DPP10: variants seen among roughly 807,000 people sequenced by gnomAD.
DPP10 encodes inactive dipeptidyl peptidase 10.
In DPP10, 33 loss-of-function variants were observed where a neutral mutation model predicts 120.9. That is an observed-to-expected ratio of 0.27 (90% CI 0.21 to 0.37). DPP10 has a LOEUF of 0.37. Ranked by LOEUF, DPP10 falls within the 10% of genes least tolerant of loss-of-function variation. The pLI, the probability that DPP10 is intolerant of heterozygous loss-of-function variation, is 1.00. For synonymous variants in DPP10, 337 were observed against 326.1 expected, an observed-to-expected ratio of 1.03 and a Z score of -0.36; for missense variants, 816 against 942.8, an observed-to-expected ratio of 0.87 and a Z score of 1.76.
chr2:115,369,655 G>A (rs2065284329), intron 3 of DPP10, among the ~76,000 whole-genome samples: 1 of 152,070 alleles, frequency 6.6e-6, no homozygotes, highest in African/African-American at 2.4e-5. Flanking sequence ...CTGTGGTGGA[G>A]GCTTTACAAA....
At chr2:114,732,227 C>A (rs1375695467) in intron 1 of DPP10, among the ~76,000 whole-genome samples, 1 of 152,166 alleles carries the variant, frequency 6.6e-6, no homozygotes, top group Non-Finnish European at 1.5e-5. Flanking sequence ...AGTTCTAGAC[C>A]TCCTGAAGTT....
chr2:115,060,111 C>T (rs1706280214), intron 1 of DPP10, among the ~76,000 whole-genome samples: 1 of 151,646 alleles, frequency 6.6e-6, no homozygotes, highest in African/African-American at 2.4e-5. Context: ...TTTAATGACC[C>T]TTATAGTTTA....
intron 3 of DPP10, among the ~76,000 whole-genome samples, chr2:115,400,131 T>C (rs2067962497): frequency 6.6e-6 from 1 of 152,020 alleles, no homozygotes; most frequent in Non-Finnish European, 1.5e-5. Flanking sequence ...AAGATGGTGC[T>C]AAGTCATTCA....
intron 1 of DPP10, among the ~76,000 whole-genome samples, chr2:115,177,214 G>A (rs966491469): frequency 6.6e-6 from 1 of 152,146 alleles, no homozygotes; most frequent in Admixed American, 6.5e-5. Context: ...GTGTGTATAT[G>A]TGTATATATT....
At chr2:115,500,693 A>G (rs1377441700) in intron 4 of DPP10, among the ~76,000 whole-genome samples, 1 of 152,050 alleles carries the variant, frequency 6.6e-6, no homozygotes, top group African/African-American at 2.4e-5. Context: ...TAAACTAATT[A>G]CAGGGAATCA....
chr2:114,533,139 C>A (rs1001975676), intron 1 of DPP10, among the ~76,000 whole-genome samples: 2 of 152,144 alleles, frequency 1.3e-5, no homozygotes, highest in Non-Finnish European at 2.9e-5. Flanking sequence ...TGTATCATGG[C>A]ATTGGGCATC....
At chr2:115,156,092 C>T (rs2051890117) in intron 1 of DPP10, among the ~76,000 whole-genome samples, 1 of 152,132 alleles carries the variant, frequency 6.6e-6, no homozygotes, top group Non-Finnish European at 1.5e-5. Flanking sequence ...GGGATATACA[C>T]TAGCAAGCAA....
chr2:114,522,041 G>A (rs1474038510), intron 1 of DPP10, among the ~76,000 whole-genome samples: 4 of 142,690 alleles, frequency 2.8e-5, no homozygotes, highest in Non-Finnish European at 4.6e-5. Flanking sequence ...GTGCAGTGGC[G>A]GGATCTCGGC....
At chr2:115,484,294 GTTA>G (rs963694672) in intron 3 of DPP10, among the ~76,000 whole-genome samples, 3 of 151,582 alleles carry the variant, frequency 2.0e-5, no homozygotes, top group Non-Finnish European at 4.4e-5. Context: ...AATAAACATA[GTTA>G]TTATGAATGC....
intron 1 of DPP10, among the ~76,000 whole-genome samples, chr2:114,977,496 G>A (rs916733754): frequency 1.3e-5 from 2 of 152,102 alleles, no homozygotes; most frequent in Non-Finnish European, 2.9e-5. Context: ...ATAAAGCTGA[G>A]ACCATTCCTT....
rs984407932 is a variant in DPP10, at chr2:114,883,453, C to A, written c.61-425786C>A. ...AGAATATCATCCTTCCAGTAAGCAG[C>A]TAGACTTTTATTCTCATTGAGCTAG... is the stretch of plus-strand genomic sequence containing the variant. On this transcript the variant is annotated intron_variant, in intron 1 of 25. Transcript: ENST00000410059. 1.1e-4 allele frequency among the ~76,000 whole-genome samples: 17 copies of A among 152,162 alleles called. 1 individual carries two copies. Among genetic ancestry groups the A allele is most frequent in the African/African-American group, 4.1e-4 (17 of 41,450 alleles).
chr2:115,666,027 T>G (rs2149425645), intron 5 of DPP10, among the ~76,000 whole-genome samples: 1 of 152,254 alleles, frequency 6.6e-6, no homozygotes, highest in African/African-American at 2.4e-5. Flanking sequence ...AGGTAGTTTT[T>G]TTAGTCCTCT....
At chr2:114,952,203 A>G (rs1255235683) in intron 1 of DPP10, among the ~76,000 whole-genome samples, 2 of 151,974 alleles carry the variant, frequency 1.3e-5, no homozygotes, top group African/African-American at 4.8e-5. Flanking sequence ...TAAAGTTTCC[A>G]TGCATAAGTT....
intron 1 of DPP10, among the ~76,000 whole-genome samples, chr2:114,640,125 G>A (rs1386462952): frequency 1.3e-5 from 2 of 151,866 alleles, no homozygotes; most frequent in Non-Finnish European, 2.9e-5. Flanking sequence ...GACTTCATGT[G>A]GATTTTAGAA....
chr2:114,563,155 T>C (rs894494125), intron 1 of DPP10, among the ~76,000 whole-genome samples: 72 of 152,118 alleles, frequency 4.7e-4, no homozygotes, highest in Non-Finnish European at 7.4e-5. Flanking sequence ...GGGCGGATCA[T>C]AAGGTCAAGA....
intron 21 of DPP10, among the ~76,000 whole-genome samples, chr2:115,833,531 A>G (rs141903150): frequency 0.024 from 3,602 of 152,306 alleles, 250 homozygotes; most frequent in Admixed American, 0.15. Context: ...TACAGGTTCA[A>G]CGTACCTAAT....
chr2:115,033,517 A>G (rs1349316362), intron 1 of DPP10, among the ~76,000 whole-genome samples: 1 of 152,140 alleles, frequency 6.6e-6, no homozygotes, highest in Non-Finnish European at 1.5e-5. Flanking sequence ...AGGTCCTCAC[A>G]GCAATGGTCA....
At chr2:115,689,774 T>G (rs776719897) in intron 6 of DPP10, 35 bp downstream of exon 6, 1 of 1,607,318 alleles carries the variant, frequency 6.2e-7, no homozygotes, top group Non-Finnish European at 8.5e-7. Context: ...TCATGAGCAA[T>G]TGTGTTACTA....
intron 1 of DPP10, among the ~76,000 whole-genome samples, chr2:114,649,188 T>C (rs1047995762): frequency 3.3e-5 from 5 of 152,212 alleles, no homozygotes; most frequent in African/African-American, 1.2e-4. Context: ...TTCTTTGCTT[T>C]GCCTGTTAGA....
Sources: allele counts gnomAD v4.1 joint callset (sites outside exome capture counted in the v4.1 genomes callset), GRCh38; gene constraint gnomAD v4.1.1; transcripts MANE v1.5; gene names NCBI Gene and HGNC (gene_info 2026-07-23, HGNC 2026-07-21).